ANK3: variants seen among roughly 807,000 people sequenced by gnomAD.
ANK3 encodes the protein ankyrin 3.
In ANK3, 57 loss-of-function variants were observed where a neutral mutation model predicts 370.9. That is an observed-to-expected ratio of 0.15 (90% CI 0.12 to 0.19). The LOEUF is 0.19. Ranked by LOEUF, ANK3 falls within the 10% of genes least tolerant of loss-of-function variation. The probability of loss-of-function intolerance (pLI) is 1.00; values close to 1 mark genes in which losing one functional copy is unlikely to be tolerated. For synonymous variants in ANK3, 1,929 were observed against 1,946.3 expected (o/e 0.99, Z 0.23); for missense variants, 4,439 against 5,302.1 (o/e 0.84, Z 5.06).
intron 1 of ANK3, among the ~76,000 whole-genome samples, chr10:60,685,656 T>C (rs1228265117): frequency 6.6e-6 from 1 of 152,198 alleles, no homozygotes; most frequent in Non-Finnish European, 1.5e-5. Context: ...ATAATATTTG[T>C]AATTGAAAAT....
intron 2 of ANK3, among the ~76,000 whole-genome samples, chr10:60,563,893 C>T (rs993100324): frequency 3.3e-5 from 5 of 152,094 alleles, no homozygotes; most frequent in African/African-American, 1.2e-4. Flanking sequence ...TGATATTATA[C>T]TACAGGTCTA....
chr10:60,630,824 G>C (rs892807295), intron 1 of ANK3, among the ~76,000 whole-genome samples: 1 of 152,152 alleles, frequency 6.6e-6, no homozygotes, highest in African/African-American at 2.4e-5. Flanking sequence ...GCTAAAGCTG[G>C]ACCCTGTTTT....
chr10:60,357,654 A>G (rs2057972805), intron 1 of ANK3, among the ~76,000 whole-genome samples: 1 of 152,226 alleles, frequency 6.6e-6, no homozygotes, highest in Non-Finnish European at 1.5e-5. Context: ...ACAGTGCCAG[A>G]AGGTCTTATA....
intron 2 of ANK3, chr10:60,508,042 G>A (rs1386642634): frequency 6.6e-6 from 1 of 152,142 alleles, no homozygotes; most frequent in African/African-American, 2.4e-5. Context: ...TAATAATACT[G>A]TAGTCTTTAG....
chr10:60,439,820 G>T (rs116594870), intron 2 of ANK3, among the ~76,000 whole-genome samples: 5 of 152,278 alleles, frequency 3.3e-5, no homozygotes, highest in African/African-American at 1.2e-4. Flanking sequence ...TGAAGTTCTT[G>T]GATCTCTGAC....
intron 21 of ANK3, among the ~76,000 whole-genome samples, chr10:60,168,714 G>A (rs1416366005): frequency 1.3e-5 from 2 of 151,910 alleles, no homozygotes; most frequent in Non-Finnish European, 2.9e-5. Flanking sequence ...CCACCCCCAG[G>A]CCCCAGTGTG....
intron 2 of ANK3, among the ~76,000 whole-genome samples, chr10:60,435,025 G>T (rs1040289369): frequency 1.3e-5 from 2 of 152,162 alleles, no homozygotes; most frequent in Non-Finnish European, 2.9e-5. Context: ...TGAAAAGAGG[G>T]TTGCGATTAT....
chr10:60,470,239 T>C (rs2065183922), intron 2 of ANK3, among the ~76,000 whole-genome samples: 1 of 152,138 alleles, frequency 6.6e-6, no homozygotes, highest in African/African-American at 2.4e-5. Context: ...TCTTTGTTGT[T>C]ATTTTAGTTG....
intron 24 of ANK3, chr10:60,137,297 CAGG>C: frequency 3.2e-6 from 1 of 307,970 alleles, no homozygotes; most frequent in Non-Finnish European, 6.2e-6. Flanking sequence ...GAGCATGAGC[CAGG>C]AGAAGGAAGA....
At chr10:60,113,473 C>T (rs964367218) in intron 26 of ANK3, among the ~76,000 whole-genome samples, 6 of 152,142 alleles carry the variant, frequency 3.9e-5, no homozygotes, top group African/African-American at 1.4e-4. Flanking sequence ...GTTTGGGAGG[C>T]AAAGGCGGGC....
intron 2 of ANK3, among the ~76,000 whole-genome samples, chr10:60,612,561 G>A (rs939856548): frequency 2.0e-5 from 3 of 152,020 alleles, no homozygotes; most frequent in African/African-American, 4.8e-5. Context: ...GCGCGATCTC[G>A]GCTCACTGCA....
intron 24 of ANK3, among the ~76,000 whole-genome samples, chr10:60,135,513 G>C (rs1290481612): frequency 6.6e-6 from 1 of 152,234 alleles, no homozygotes; most frequent in African/African-American, 2.4e-5. Context: ...TTGTTCTGGT[G>C]TCCTTTTAGG....
At chr10:60,325,656 T>C (rs562591074) in intron 1 of ANK3, among the ~76,000 whole-genome samples, 1 of 152,292 alleles carries the variant, frequency 6.6e-6, no homozygotes, top group Non-Finnish European at 1.5e-5. Flanking sequence ...AAATTATCCT[T>C]TGTGAATGCT....
chr10:60,565,020 C>T (rs2077424713), intron 2 of ANK3, among the ~76,000 whole-genome samples: 1 of 152,052 alleles, frequency 6.6e-6, no homozygotes, highest in Non-Finnish European at 1.5e-5. Context: ...GGGACCAAGT[C>T]TTCAGTAATC....
rs191160141 is a variant in ANK3, at chr10:60,572,914, C to G, written c.96+42272G>C. The stretch of plus-strand genomic sequence containing the variant: ...AGAGAGAGAGAAAGAGAGAGAGAGA[C>G]ACACACACACACCCTCACACACACA... On this transcript the variant is annotated intron_variant, in intron 2 of 43. Coordinates refer to the ANK3 transcript ENST00000373827. The G allele has an allele frequency of 4.8e-4, 467 of 982,704 alleles. 4 individuals are homozygous for G. The Admixed American group carries it at 0.015, about 31-fold the overall frequency. 60.9% of individuals were successfully genotyped at this position (982,704 alleles called of 1,614,324 possible). A position where few individuals can be genotyped will look rare whatever the true frequency, so the allele number is the denominator to read the frequency against.
At chr10:60,600,487 C>T (rs1366834331) in intron 2 of ANK3, among the ~76,000 whole-genome samples, 3 of 152,138 alleles carry the variant, frequency 2.0e-5, no homozygotes, top group East Asian at 3.8e-4. Flanking sequence ...TAGCACTTCA[C>T]CCTGCTTTCT....
chr10:60,322,600 A>G (rs1279990082), intron 1 of ANK3, among the ~76,000 whole-genome samples: 5 of 151,856 alleles, frequency 3.3e-5, no homozygotes, highest in African/African-American at 1.2e-4. Flanking sequence ...TTTCTCATTA[A>G]TCAACTTTTT....
intron 2 of ANK3, among the ~76,000 whole-genome samples, chr10:60,574,028 G>A (rs1006828685): frequency 6.6e-6 from 1 of 152,142 alleles, no homozygotes; most frequent in Non-Finnish European, 1.5e-5. Context: ...AAGTCACAGA[G>A]GGCTAATTTT....
chr10:60,323,971 C>T (rs575780000), intron 1 of ANK3, among the ~76,000 whole-genome samples: 7 of 152,116 alleles, frequency 4.6e-5, no homozygotes, highest in East Asian at 1.9e-4. Flanking sequence ...GGGATAATGT[C>T]GTTTAGAGAG....
Sources: gnomAD v4.1 joint callset for allele counts (sites outside exome capture counted in the v4.1 genomes callset) on GRCh38, gnomAD v4.1.1 for gene constraint, MANE v1.5 for transcripts, NCBI Gene and HGNC (gene_info 2026-07-23, HGNC 2026-07-21) for gene names.